Variants in GLDC observed in about 807,000 individuals in gnomAD.
GLDC encodes glycine dehydrogenase (decarboxylating), mitochondrial.
In GLDC, 104 loss-of-function variants were observed where a neutral mutation model predicts 121.3. That is an observed-to-expected ratio of 0.86 (90% CI 0.73 to 1.01). The LOEUF is 1.01. GLDC is among the 50% of genes least tolerant of loss of function. GLDC has a pLI of 0.00. For missense variants in GLDC, 1,429 were observed against 1,306.6 expected, an observed-to-expected ratio of 1.09 and a Z score of -1.44; for synonymous variants, 546 against 480.6, an observed-to-expected ratio of 1.14 and a Z score of -1.78.
At chr9:6,597,669 G>A (rs1818516828) in intron 8 of GLDC, among the ~76,000 whole-genome samples, 1 of 152,216 alleles carries the variant, frequency 6.6e-6, no homozygotes, top group Non-Finnish European at 1.5e-5. Context: ...GGGCATGGTG[G>A]CTAACGCCTG....
intron 4 of GLDC, 63 bp downstream of exon 4, chr9:6,610,129 A>G (rs1334453872): frequency 7.8e-7 from 1 of 1,281,986 alleles, no homozygotes; most frequent in Admixed American, 2.0e-5. Flanking sequence ...TACTATAGAA[A>G]GAAAACAAGG....
Position 6,545,483 on chromosome 9 carries a change from G to C in GLDC, c.2569+5320C>G, listed in dbSNP as rs115820314. Among the ~76,000 whole-genome samples the C allele has an allele frequency of 2.2e-3, 332 of 152,300 alleles. 2 individuals carry two copies. Among genetic ancestry groups the C allele is most frequent in the African/African-American group, 7.8e-3 (325 of 41,554 alleles). On this transcript the variant is annotated intron_variant, in intron 21 of 24. Coordinates refer to ENST00000321612, the MANE Select transcript of GLDC (RefSeq NM_000170.3). The stretch of plus-strand genomic sequence containing the variant: ...CATGAATGGAGCTTGCAGGGCTGAA[G>C]TTGCTCTGGATGAGTCAGTGAGTGA...
chr9:6,600,086 G>A (rs1010652183), intron 8 of GLDC, among the ~76,000 whole-genome samples: 1 of 152,196 alleles, frequency 6.6e-6, no homozygotes, highest in Non-Finnish European at 1.5e-5. Context: ...AATTACAGTG[G>A]CCAGGCACGG....
At chr9:6,581,557 A>G (rs543048012) in intron 15 of GLDC, among the ~76,000 whole-genome samples, 15 of 152,370 alleles carry the variant, frequency 9.8e-5, no homozygotes, top group African/African-American at 3.6e-4. Flanking sequence ...GGTCAATAAC[A>G]TAGCATTTCC....
intron 16 of GLDC, among the ~76,000 whole-genome samples, chr9:6,562,180 C>T (rs1323410829): frequency 1.3e-5 from 2 of 152,184 alleles, no homozygotes; most frequent in African/African-American, 4.8e-5. Flanking sequence ...ATGCCTGGTA[C>T]ATGGTAATTG....
chr9:6,608,347 A>T (rs544354809), intron 4 of GLDC, among the ~76,000 whole-genome samples: 1 of 143,672 alleles, frequency 7.0e-6, no homozygotes, highest in Non-Finnish European at 1.5e-5. Context: ...ACGTGAACCC[A>T]GGAGGCGGAG....
chr9:6,593,475 A>T (rs780976709), intron 9 of GLDC, among the ~76,000 whole-genome samples: 1 of 151,278 alleles, frequency 6.6e-6, no homozygotes, highest in Non-Finnish European at 1.5e-5. Context: ...ATAATTTTTT[A>T]AATTTTTTGA....
At chr9:6,588,378 A>G in intron 14 of GLDC, 23 bp downstream of exon 14, 1 of 1,573,464 alleles carries the variant, frequency 6.4e-7, no homozygotes, top group Non-Finnish European at 8.7e-7. Flanking sequence ...CTGAGTATCC[A>G]CTTACAGAAG....
At position 6,581,294 on chromosome 9, in the gene GLDC, C is replaced by A. The variant is rs113502723; in HGVS notation, c.1850+5847G>T. ...CCTCAGTGCCCCCAATGGGACTGATCTCTAGGATCCCATACAGTGATGGTG... is the reference window on the plus strand; with the variant it reads ...CCTCAGTGCCCCCAATGGGACTGATATCTAGGATCCCATACAGTGATGGTG... On this transcript the variant is annotated intron_variant, in intron 15 of 24. Coordinates refer to ENST00000321612, the MANE Select transcript of GLDC (RefSeq NM_000170.3). 7.4e-3 allele frequency among the ~76,000 whole-genome samples: 1,134 copies of A among 152,304 alleles called. 6 individuals carry two copies. Among genetic ancestry groups the A allele is most frequent in the Middle Eastern group, 0.017 (5 of 294 alleles).
At chr9:6,565,527 G>C (rs897765861) in intron 15 of GLDC, 98 bp from the exon 16 acceptor site, 1 of 871,922 alleles carries the variant, frequency 1.1e-6, no homozygotes, top group Admixed American at 1.8e-5. Context: ...TCACCAGCAC[G>C]TGACACATGG....
At chr9:6,604,567 G>C (rs1291938966) in intron 7 of GLDC, 21 bp downstream of exon 7, 1 of 1,590,150 alleles carries the variant, frequency 6.3e-7, no homozygotes, top group South Asian at 1.1e-5. Flanking sequence ...AATAAAAGTA[G>C]AGAAACATGA....
At chr9:6,559,643 T>C (rs1817709850) in intron 16 of GLDC, among the ~76,000 whole-genome samples, 1 of 151,164 alleles carries the variant, frequency 6.6e-6, no homozygotes, top group Admixed American at 6.6e-5. Flanking sequence ...GGCGAAATGC[T>C]GTCTCTATTA....
chr9:6,606,216 G>A (rs13296893), intron 5 of GLDC: 77,385 of 273,082 alleles, frequency 0.28, 11,321 homozygotes, highest in Admixed American at 0.34. Flanking sequence ...GGCTGAGGCA[G>A]GACAATGGCG....
intron 16 of GLDC, among the ~76,000 whole-genome samples, chr9:6,562,965 C>T (rs886804446): frequency 6.6e-6 from 1 of 152,218 alleles, no homozygotes. Flanking sequence ...CTCCCTTTCC[C>T]CCTCTCCCTG....
At chr9:6,593,290 A>G (rs567731231) in intron 9 of GLDC, among the ~76,000 whole-genome samples, 13 of 144,792 alleles carry the variant, frequency 9.0e-5, no homozygotes, top group Admixed American at 3.4e-4. Flanking sequence ...TATATATAAA[A>G]TTATACCTTT....
At chr9:6,628,078 T>A (rs1819282882) in intron 2 of GLDC, among the ~76,000 whole-genome samples, 1 of 152,190 alleles carries the variant, frequency 6.6e-6, no homozygotes, top group Admixed American at 6.5e-5. Context: ...GAATCCAGTG[T>A]CTAAGTCCAA....
intron 18 of GLDC, 140 bp from the exon 19 acceptor site, chr9:6,554,921 G>A (rs1220608658): frequency 8.3e-6 from 6 of 722,994 alleles, no homozygotes; most frequent in African/African-American, 1.7e-5. Context: ...TCACAGAAAT[G>A]TCCTCTATAC....
At chr9:6,605,039 T>C (rs1818701445) in intron 6 of GLDC, 92 bp downstream of exon 6, 2 of 1,237,242 alleles carry the variant, frequency 1.6e-6, no homozygotes, top group Admixed American at 1.7e-5. Context: ...GTAAAGAAAT[T>C]AAGGCACATG....
Position 6,534,556 on chromosome 9 carries a change from A to T in GLDC, c.2919+152T>A, listed in dbSNP as rs1473499394. 3 of 645,160 alleles carry T rather than the reference A, an allele frequency of 4.7e-6. No individual in the cohort carries two copies. In the African/African-American group the frequency reaches 5.4e-5, roughly 12 times the overall value. 40.0% of individuals were successfully genotyped at this position (645,160 alleles called of 1,614,324 possible). On this transcript the variant is annotated intron_variant, in intron 24 of 24. Transcript: ENST00000321612. ...TGTGTGACCTCGCCTCTGAAAGCCA[A>T]TTTCTTTGCTCCTCATTCCTCTTCA...
Sources: allele counts gnomAD v4.1 joint callset (sites outside exome capture counted in the v4.1 genomes callset), GRCh38; gene constraint gnomAD v4.1.1; transcripts MANE v1.5; gene names NCBI Gene and HGNC (gene_info 2026-07-23, HGNC 2026-07-21).